ATRX: variants seen among roughly 807,000 people sequenced by gnomAD.
The protein encoded by ATRX is chromatin remodeler ATRX.
A neutral mutation model predicts 172.6 loss-of-function variants in ATRX; 12 were observed. The ratio of observed to expected loss-of-function variants is 0.07; its 90% confidence interval spans 0.04 to 0.11. The LOEUF (loss-of-function observed/expected upper bound fraction) is 0.11, where lower values mean the gene tolerates loss of function less well. ATRX is among the 10% of genes least tolerant of loss of function. ATRX has a pLI of 1.00. For missense variants in ATRX, 1,368 were observed against 1,767.4 expected (o/e 0.77, Z 4.05); for synonymous variants, 674 against 594.7 (o/e 1.13, Z -1.94).
intron 22 of ATRX, among the ~76,000 whole-genome samples, chrX:77,606,202 T>A (rs1244639974): frequency 9.1e-6 from 1 of 110,018 alleles, no homozygotes; most frequent in Non-Finnish European, 1.9e-5. Flanking sequence ...TTTACCCCAA[T>A]TTATGTGCAC....
intron 1 of ATRX, among the ~76,000 whole-genome samples, chrX:77,755,749 C>T (rs376466419): frequency 2.7e-5 from 3 of 111,476 alleles, no homozygotes; most frequent in Non-Finnish European, 5.7e-5. Flanking sequence ...CGGGAGCTCT[C>T]CTGTGTGACG....
rs782458465 is a variant in ATRX, at chrX:77,635,432, T to C, written c.4699+483A>G. On this transcript the variant is annotated intron_variant, in intron 16 of 34. Transcript: ENST00000373344. ...TTTCATCATCTTTTCCTTTATTCGATAGTAAACACTGAGCAAGAAAGGGGA... is the reference window on the plus strand; with the variant it reads ...TTTCATCATCTTTTCCTTTATTCGACAGTAAACACTGAGCAAGAAAGGGGA... 4.4e-4 allele frequency among the ~76,000 whole-genome samples: 49 copies of C among 111,752 alleles called. 1 individual carries two copies. The highest frequency in any genetic ancestry group is 7.6e-4 in the Admixed American group (8 of 10,574).
At chrX:77,777,191 TAAAAAAAAAA>T (rs782165810) in intron 1 of ATRX, among the ~76,000 whole-genome samples, 46 of 21,035 alleles carry the variant, frequency 2.2e-3, no homozygotes, top group South Asian at 0.018. Flanking sequence ...CTGTCTCTAC[TAAAAAAAAAA>T]AAAAAAAAAA....
chrX:77,723,642 G>C (rs1232502974), intron 1 of ATRX, among the ~76,000 whole-genome samples: 2 of 111,532 alleles, frequency 1.8e-5, no homozygotes. Flanking sequence ...AGGTCACTGT[G>C]TCCTTAATCG....
intron 1 of ATRX, among the ~76,000 whole-genome samples, chrX:77,726,057 C>T (rs1603279368): frequency 8.9e-6 from 1 of 111,777 alleles, no homozygotes; most frequent in Admixed American, 9.5e-5. Context: ...TTGTGGAAGA[C>T]AGTGTGGTGA....
chrX:77,513,177 C>T (rs1245473123), intron 34 of ATRX, among the ~76,000 whole-genome samples: 1 of 108,282 alleles, frequency 9.2e-6, no homozygotes, highest in African/African-American at 3.4e-5. Context: ...ATTAGCTGGG[C>T]GTGGTGGCGG....
At chrX:77,756,568 C>T (rs992602863) in intron 1 of ATRX, among the ~76,000 whole-genome samples, 26 of 110,280 alleles carry the variant, frequency 2.4e-4, no homozygotes, top group African/African-American at 8.6e-4. Context: ...CATAGACTCA[C>T]GGGTTCCTTT....
chrX:77,618,615 G>A (rs1035248873), intron 21 of ATRX, among the ~76,000 whole-genome samples, 191 bp downstream of exon 21: 1 of 111,603 alleles, frequency 9.0e-6, no homozygotes, highest in African/African-American at 3.3e-5. Flanking sequence ...TAAACTCAGC[G>A]GAACTTCTTT....
intron 15 of ATRX, among the ~76,000 whole-genome samples, chrX:77,645,236 C>A (rs2068853282): frequency 9.0e-6 from 1 of 111,499 alleles, no homozygotes; most frequent in East Asian, 2.8e-4. Context: ...TCCTCGAACC[C>A]CTGGCTAAAG....
intron 22 of ATRX, among the ~76,000 whole-genome samples, chrX:77,601,085 C>A (rs2066656471): frequency 9.0e-6 from 1 of 110,821 alleles, no homozygotes; most frequent in South Asian, 3.9e-4. Context: ...TATCCATGGA[C>A]CCTAGATTAC....
At chrX:77,559,394 A>G (rs1302898393) in intron 28 of ATRX, among the ~76,000 whole-genome samples, 1 of 104,777 alleles carries the variant, frequency 9.5e-6, no homozygotes, top group East Asian at 3.0e-4. Flanking sequence ...AGAAACTGAT[A>G]GATTACCTGA....
chrX:77,513,051 C>A (rs1557037296), intron 34 of ATRX, among the ~76,000 whole-genome samples: 1 of 110,464 alleles, frequency 9.1e-6, no homozygotes, highest in Admixed American at 9.6e-5. Flanking sequence ...GGCACAGTGG[C>A]TCACGCCTGT....
chrX:77,650,689 A>G (rs1557116228), intron 15 of ATRX, among the ~76,000 whole-genome samples: 1 of 110,663 alleles, frequency 9.0e-6, no homozygotes, highest in African/African-American at 3.3e-5. Flanking sequence ...GGTTCAAGCA[A>G]TTCTCCTGTC....
chrX:77,550,969 C>T (rs1333468800), intron 30 of ATRX, among the ~76,000 whole-genome samples: 4 of 111,195 alleles, frequency 3.6e-5, no homozygotes, highest in Non-Finnish European at 7.6e-5. Flanking sequence ...TAAAAGAGGA[C>T]ACAAACAAAT....
intron 1 of ATRX, among the ~76,000 whole-genome samples, chrX:77,776,308 A>T (rs2076348050): frequency 1.8e-5 from 2 of 111,409 alleles, no homozygotes; most frequent in African/African-American, 6.5e-5. Flanking sequence ...AATAGTAATC[A>T]GTAATAACTA....
At chrX:77,766,178 A>C (rs1282588392) in intron 1 of ATRX, among the ~76,000 whole-genome samples, 2 of 112,650 alleles carry the variant, frequency 1.8e-5, no homozygotes, top group African/African-American at 3.2e-5. Flanking sequence ...CACTGTCATC[A>C]TGGCCCGTTC....
At chrX:77,735,673 G>A (rs2074522583) in intron 1 of ATRX, among the ~76,000 whole-genome samples, 2 of 91,861 alleles carry the variant, frequency 2.2e-5, no homozygotes, top group Admixed American at 2.5e-4. Context: ...ATGGTGGTGG[G>A]CTCTTGTAAT....
intron 30 of ATRX, among the ~76,000 whole-genome samples, chrX:77,550,922 C>G (rs1451968083): frequency 9.0e-6 from 1 of 111,187 alleles, no homozygotes; most frequent in Admixed American, 9.6e-5. Context: ...TGTGAAGGAC[C>G]TCTTCAAGGA....
At chrX:77,586,173 G>A (rs2066013844) in intron 27 of ATRX, among the ~76,000 whole-genome samples, 1 of 112,314 alleles carries the variant, frequency 8.9e-6, no homozygotes, top group South Asian at 3.7e-4. Flanking sequence ...AAGGATAAAT[G>A]TTTGAGGTGA....
Sources: gnomAD v4.1 joint callset for allele counts (sites outside exome capture counted in the v4.1 genomes callset) on GRCh38, gnomAD v4.1.1 for gene constraint, MANE v1.5 for transcripts, NCBI Gene and HGNC (gene_info 2026-07-23, HGNC 2026-07-21) for gene names.